KCNIP4: variants seen among roughly 807,000 people sequenced by gnomAD.
KCNIP4 encodes the protein Kv channel-interacting protein 4.
A neutral mutation model predicts 34.0 loss-of-function variants in KCNIP4; 12 were observed. The ratio of observed to expected loss-of-function variants is 0.35; its 90% CI spans 0.23 to 0.57. The LOEUF (loss-of-function observed/expected upper bound fraction) is 0.57. Among genes scored for constraint, KCNIP4 ranks in the 20% least tolerant of loss-of-function variants. The pLI is 0.83. For missense variants in KCNIP4, 238 were observed against 311.7 expected (o/e 0.76, Z 1.78); for synonymous variants, 124 against 102.2 (o/e 1.21, Z -1.29).
chr4:21,053,038 CATATATAT>C, intron 1 of KCNIP4, among the ~76,000 whole-genome samples: 1 of 143,568 alleles, frequency 7.0e-6, no homozygotes, highest in East Asian at 2.0e-4. Context: ...CACACACACA[CATATATAT>C]ATATATAAAT....
intron 1 of KCNIP4, among the ~76,000 whole-genome samples, chr4:20,960,044 A>C (rs948086978): frequency 6.6e-6 from 1 of 152,154 alleles, no homozygotes; most frequent in African/African-American, 2.4e-5. Context: ...ACTGTGCATA[A>C]AAAAATAAGA....
chr4:21,539,582 G>A (rs1737500411), intron 1 of KCNIP4, among the ~76,000 whole-genome samples: 1 of 152,122 alleles, frequency 6.6e-6, no homozygotes, highest in African/African-American at 2.4e-5. Context: ...GATCTTACAG[G>A]AAATGGATCA....
chr4:21,908,046 C>T (rs1728096438), intron 1 of KCNIP4, among the ~76,000 whole-genome samples: 1 of 151,876 alleles, frequency 6.6e-6, no homozygotes, highest in South Asian at 2.1e-4. Flanking sequence ...CTCTCTGTGG[C>T]CCCTTCCTGC....
intron 1 of KCNIP4, among the ~76,000 whole-genome samples, chr4:21,577,411 C>T (rs1308257009): frequency 6.6e-6 from 1 of 152,114 alleles, no homozygotes; most frequent in East Asian, 1.9e-4. Context: ...GGGCAGACCA[C>T]CTGAGGTCAG....
intron 1 of KCNIP4, among the ~76,000 whole-genome samples, chr4:21,306,532 G>A (rs756240295): frequency 5.9e-5 from 9 of 152,084 alleles, no homozygotes; most frequent in Non-Finnish European, 8.8e-5. Flanking sequence ...ATGGGCTACC[G>A]CAACTGGCTG....
chr4:20,891,897 G>A (rs1004149118), intron 1 of KCNIP4, among the ~76,000 whole-genome samples: 3 of 152,110 alleles, frequency 2.0e-5, no homozygotes, highest in African/African-American at 7.2e-5. Context: ...ATACTAGCAT[G>A]ACTACACAAA....
At chr4:21,318,042 T>C (rs1248494818) in intron 1 of KCNIP4, among the ~76,000 whole-genome samples, 1 of 152,184 alleles carries the variant, frequency 6.6e-6, no homozygotes, top group Non-Finnish European at 1.5e-5. Flanking sequence ...TAAATCCGAT[T>C]TATAAATCAT....
chr4:21,875,451 A>G (rs1464161899), intron 1 of KCNIP4, among the ~76,000 whole-genome samples: 1 of 152,194 alleles, frequency 6.6e-6, no homozygotes, highest in African/African-American at 2.4e-5. Flanking sequence ...ATGCTTTTCT[A>G]CGTTGAAATA....
At chr4:21,267,105 G>C (rs1041467055) in intron 1 of KCNIP4, among the ~76,000 whole-genome samples, 1 of 152,168 alleles carries the variant, frequency 6.6e-6, no homozygotes, top group African/African-American at 2.4e-5. Context: ...TGTGATGCTT[G>C]ATGAACACAA....
At chr4:20,731,813 G>A (rs1748308230) in intron 8 of KCNIP4, 193 bp downstream of exon 8, 1 of 985,366 alleles carries the variant, frequency 1.0e-6, no homozygotes, top group Non-Finnish European at 1.2e-6. Context: ...GCCTGACTCA[G>A]TGGGCACTCT....
chr4:21,263,366 A>G, intron 1 of KCNIP4, among the ~76,000 whole-genome samples: 1 of 152,212 alleles, frequency 6.6e-6, no homozygotes, highest in East Asian at 1.9e-4. Flanking sequence ...CGAAGGCTGT[A>G]TTAGAATCCA....
intron 1 of KCNIP4, among the ~76,000 whole-genome samples, chr4:21,065,744 AT>A (rs1560690295): frequency 2.8e-5 from 4 of 142,426 alleles, no homozygotes; most frequent in African/African-American, 1.0e-4. Context: ...ATATATATAT[AT>A]ATATATATAT....
intron 3 of KCNIP4, among the ~76,000 whole-genome samples, chr4:20,813,847 T>C (rs560918728): frequency 1.3e-5 from 2 of 152,344 alleles, no homozygotes; most frequent in Admixed American, 1.3e-4. Flanking sequence ...ATAAATTGCC[T>C]GCTGGCAGTA....
chr4:21,320,963 T>TGAAAAAAAAA (rs1560287645), intron 1 of KCNIP4, among the ~76,000 whole-genome samples: 33 of 74,774 alleles, frequency 4.4e-4, no homozygotes, highest in African/African-American at 3.0e-3. Context: ...AGAATCTGTC[T>TGAAAAAAAAA]TAAAAAAAAA....
At chr4:21,380,063 C>G (rs1399885772) in intron 1 of KCNIP4, among the ~76,000 whole-genome samples, 1 of 152,008 alleles carries the variant, frequency 6.6e-6, no homozygotes, top group African/African-American at 2.4e-5. Context: ...TGGTGATTGA[C>G]AGATATTGCT....
intron 1 of KCNIP4, among the ~76,000 whole-genome samples, chr4:21,801,813 A>G (rs979792463): frequency 1.5e-4 from 23 of 151,822 alleles, no homozygotes; most frequent in Admixed American, 5.3e-4. Context: ...GCACAGCACC[A>G]GGATGTAGAT....
chr4:21,207,201 TTATAA>T (rs1577888297), intron 1 of KCNIP4, among the ~76,000 whole-genome samples: 1 of 152,162 alleles, frequency 6.6e-6, no homozygotes. Context: ...TTTTTATAAG[TTATAA>T]TGTATTAGAA....
chr4:21,119,386 G>T (rs1157064376), intron 1 of KCNIP4, among the ~76,000 whole-genome samples: 1 of 149,626 alleles, frequency 6.7e-6, no homozygotes, highest in African/African-American at 2.4e-5. Flanking sequence ...GTGGGTGGGT[G>T]GATGCTGTAT....
In KCNIP4 at chr4:21,794,521, T is replaced by C. The variant is rs570906614; in HGVS notation, c.61+154050A>G. ...TGCAACACGAGGGATGCTGTAAATA[T>C]AGGGTTGCCCTCTGGGAAGGCTTTC... On this transcript the variant is annotated intron_variant, in intron 1 of 8. Transcript: ENST00000382152. Among the ~76,000 whole-genome samples, 6 of 152,264 alleles carry C rather than the reference T, an allele frequency of 3.9e-5. No individual in the cohort carries two copies. The East Asian group carries it at 9.7e-4, about 25-fold the overall frequency.
Sources: allele counts gnomAD v4.1 joint callset (sites outside exome capture counted in the v4.1 genomes callset), GRCh38; gene constraint gnomAD v4.1.1; transcripts MANE v1.5; gene names NCBI Gene and HGNC (gene_info 2026-07-23, HGNC 2026-07-21).